Variants in ZNF644 observed in about 807,000 individuals in gnomAD.
ZNF644 encodes zinc finger motif enhancer binding protein 2.
A neutral mutation model predicts 108.0 loss-of-function variants in ZNF644; 20 were observed. The observed-to-expected ratio is 0.19, with a 90% CI of 0.13 to 0.27. The LOEUF (loss-of-function observed/expected upper bound fraction) is 0.27, where lower values mean the gene tolerates loss of function less well. ZNF644 is among the 10% of genes least tolerant of loss of function. The pLI is 1.00. For synonymous variants in ZNF644, 542 were observed against 539.1 expected (o/e 1.01, Z -0.08); for missense variants, 1,338 against 1,548.9 (o/e 0.86, Z 2.29).
At chr1:90,952,746 C>T (rs2101056548) in intron 2 of ZNF644, among the ~76,000 whole-genome samples, 1 of 152,170 alleles carries the variant, frequency 6.6e-6, no homozygotes, top group Middle Eastern at 3.4e-3. Flanking sequence ...TACATTCCAA[C>T]ATCTAGTTGG....
chr1:91,017,839 G>A (rs535507711), intron 1 of ZNF644, among the ~76,000 whole-genome samples: 6 of 152,206 alleles, frequency 3.9e-5, no homozygotes, highest in South Asian at 2.1e-4. Flanking sequence ...GCCGGCGCCC[G>A]TAATCCCAGC....
intron 4 of ZNF644, chr1:90,935,609 C>T (rs1375605133): frequency 2.3e-5 from 22 of 939,328 alleles, no homozygotes; most frequent in Non-Finnish European, 2.7e-5. Context: ...TGTAGAAAAG[C>T]ACCACAATAA....
chr1:90,965,716 C>T (rs80353856), intron 2 of ZNF644, among the ~76,000 whole-genome samples: 2,043 of 152,190 alleles, frequency 0.013, 40 homozygotes, highest in African/African-American at 0.044. Flanking sequence ...TAGTTCATAT[C>T]CAATGCACTT....
At chr1:91,002,838 AAAAC>A (rs1173913046) in intron 1 of ZNF644, among the ~76,000 whole-genome samples, 1 of 152,208 alleles carries the variant, frequency 6.6e-6, no homozygotes, top group Non-Finnish European at 1.5e-5. Flanking sequence ...TACCAGAAAA[AAAAC>A]AAACAACCCC....
intron 4 of ZNF644, among the ~76,000 whole-genome samples, chr1:90,924,689 C>G (rs1021792028): frequency 2.6e-5 from 4 of 152,042 alleles, no homozygotes; most frequent in African/African-American, 7.2e-5. Flanking sequence ...TTCTCAAGAG[C>G]CTTACACGTG....
chr1:90,971,745 T>C (rs1655502489), intron 2 of ZNF644, among the ~76,000 whole-genome samples: 1 of 152,072 alleles, frequency 6.6e-6, no homozygotes, highest in Non-Finnish European at 1.5e-5. Flanking sequence ...CGTAACATTG[T>C]ACTAGAATTC....
chr1:90,968,650 A>T (rs1333068945), intron 2 of ZNF644, among the ~76,000 whole-genome samples: 1 of 152,214 alleles, frequency 6.6e-6, no homozygotes, highest in African/African-American at 2.4e-5. Context: ...TGTTTCCTTA[A>T]ATATCACAGT....
intron 1 of ZNF644, among the ~76,000 whole-genome samples, chr1:91,007,084 G>T (rs1659497270): frequency 6.6e-6 from 1 of 151,256 alleles, no homozygotes; most frequent in South Asian, 2.1e-4. Context: ...TTTATTTCTG[G>T]TGTCTGAAAT....
intron 1 of ZNF644, among the ~76,000 whole-genome samples, chr1:91,019,615 G>C (rs1427954763): frequency 6.6e-6 from 1 of 152,294 alleles, no homozygotes; most frequent in African/African-American, 2.4e-5. Flanking sequence ...TGTGTCACCA[G>C]ACTGGAGTGC....
intron 1 of ZNF644, among the ~76,000 whole-genome samples, chr1:91,013,449 T>TCACACACA (rs769534482): frequency 1.0e-5 from 1 of 96,266 alleles, no homozygotes; most frequent in Admixed American, 1.1e-4. Flanking sequence ...CCAATCTCTC[T>TCACACACA]CTCACACACA....
In ZNF644 at chr1:90,939,464, G is replaced by T. The variant is rs768370182; in HGVS notation, c.1890C>A (p.Ile630=). The T allele has an allele frequency of 5.0e-6, 8 of 1,613,710 alleles. No homozygotes were observed. Among genetic ancestry groups the T allele is most frequent in the Non-Finnish European group, 5.9e-6 (7 of 1,179,882 alleles). ...TATCACTATCTACAGGTTCTTCAAG[G>T]ATGTCATTTTTTCTTTTATCAAGTC... The part of the protein sequence containing the change: ...PLGLDKRKND[I]LEEPVDSDST... Residue 630 remains isoleucine (I), a synonymous_variant, in exon 3 of 6, where the codon ATC becomes ATA. Coordinates refer to ENST00000337393, the MANE Select transcript of ZNF644 (RefSeq NM_201269.3).
intron 4 of ZNF644, among the ~76,000 whole-genome samples, chr1:90,928,901 A>C (rs901333740): frequency 1.3e-4 from 19 of 151,962 alleles, no homozygotes; most frequent in Non-Finnish European, 2.4e-4. Flanking sequence ...AAACCATATA[A>C]ACCCTTCTGT....
chr1:90,929,650 C>T (rs2100856101), intron 4 of ZNF644, among the ~76,000 whole-genome samples: 1 of 152,258 alleles, frequency 6.6e-6, no homozygotes, highest in African/African-American at 2.4e-5. Context: ...TTTTCTATCA[C>T]ATCAGAAAGT....
intron 2 of ZNF644, among the ~76,000 whole-genome samples, chr1:90,971,290 C>T (rs1655445045): frequency 6.6e-6 from 1 of 150,492 alleles, no homozygotes; most frequent in Non-Finnish European, 1.5e-5. Flanking sequence ...AAACCCATGA[C>T]CATCACAATT....
Position 90,939,595 on chromosome 1 carries a change from T to A in ZNF644, c.1759A>T (p.Ile587Leu), listed in dbSNP as rs146936371. The change falls in exon 3 of 6, where the codon ATA becomes TTA. Residue 587 changes from isoleucine (I) to leucine (L), a missense_variant. By Grantham distance (5) the Ile-to-Leu change is conservative. This residue lies in a region of ZNF644 where 462 missense variants were observed against 472.6 expected (regional missense o/e 0.98). Transcript: ENST00000337393. ...VGSSKKSATY[I>L]CKMCPFTTSA... ...GTAGTAAAAGGACACATCTTACATA[T>A]GTAGGTAGCTGATTTTTTGGATGAT... is the stretch of plus-strand genomic sequence containing the variant. 1.2e-6 allele frequency: 2 copies of A among 1,614,082 alleles called. No homozygotes were observed. The highest frequency in any genetic ancestry group is 1.1e-5 in the South Asian group (1 of 91,082).
In ZNF644 at chr1:90,964,637, G is replaced by A. The variant is rs139699407; in HGVS notation, c.44+17673C>T. Among the ~76,000 whole-genome samples, 327 of 152,188 alleles carry A rather than the reference G, an allele frequency of 2.1e-3. 1 individual carries two copies. Among genetic ancestry groups the A allele is most frequent in the African/African-American group, 7.5e-3 (310 of 41,562 alleles). The stretch of plus-strand genomic sequence containing the variant: ...GTGATTCATTTTTAAGCCACATAGT[G>A]CCACCAAGTGGTAACAAATTCTTTT... On this transcript the variant is annotated intron_variant, in intron 2 of 5. Transcript: ENST00000337393.
intron 1 of ZNF644, among the ~76,000 whole-genome samples, chr1:90,987,265 T>A (rs1315442204): frequency 7.3e-6 from 1 of 136,928 alleles, no homozygotes; most frequent in Non-Finnish European, 1.6e-5. Flanking sequence ...TTTTTTTTTT[T>A]TTAAAAAAAG....
At chr1:90,982,428 C>G in intron 1 of ZNF644, 58 bp from the exon 2 acceptor site, 1 of 1,161,130 alleles carries the variant, frequency 8.6e-7, no homozygotes, top group Non-Finnish European at 1.3e-6. Context: ...CATGAATAAC[C>G]ATAGCTACAA....
At chr1:90,921,955 T>C (rs972999961) in intron 4 of ZNF644, among the ~76,000 whole-genome samples, 24 of 152,192 alleles carry the variant, frequency 1.6e-4, no homozygotes, top group African/African-American at 5.8e-4. Context: ...CACATAAAAA[T>C]TCAAGTCTGT....
Sources: allele counts gnomAD v4.1 joint callset (sites outside exome capture counted in the v4.1 genomes callset), GRCh38; gene constraint gnomAD v4.1.1; regional missense constraint gnomAD v4.1.1; transcripts MANE v1.5; gene names NCBI Gene and HGNC (gene_info 2026-07-23, HGNC 2026-07-21).